SP100: variants seen among roughly 807,000 people sequenced by gnomAD.
SP100 encodes the protein SP100 nuclear body protein.
In SP100, 84 loss-of-function variants were observed where a neutral mutation model predicts 130.0. The observed-to-expected ratio is 0.65, with a 90% CI of 0.54 to 0.77. The LOEUF (loss-of-function observed/expected upper bound fraction) is 0.77, where lower values mean the gene tolerates loss of function less well. Among genes scored for constraint, SP100 ranks in the 30% least tolerant of loss-of-function variants. SP100 has a pLI of 0.00. For synonymous variants in SP100, 331 were observed against 351.7 expected, an observed-to-expected ratio of 0.94 and a Z score of 0.66; for missense variants, 978 against 1,052.2, an observed-to-expected ratio of 0.93 and a Z score of 0.97.
intron 14 of SP100, chr2:230,469,415 A>G (rs1298708932): frequency 2.0e-6 from 1 of 495,276 alleles, no homozygotes; most frequent in Non-Finnish European, 4.0e-6. Flanking sequence ...TGTTGCTTCC[A>G]TGGTTCCCTT....
At chr2:230,510,016 A>G (rs1690457493) in intron 23 of SP100, 1 of 152,644 alleles carries the variant, frequency 6.6e-6, no homozygotes, top group Non-Finnish European at 1.5e-5. Flanking sequence ...TGAATAACTC[A>G]TGGGATGGAG....
chr2:230,467,286 G>T lies in SP100; in HGVS notation c.1291+71G>T, dbSNP rs528375711. 1.3e-5 allele frequency: 14 copies of T among 1,087,852 alleles called. No individual in the cohort carries two copies. In the African/African-American group the frequency reaches 2.2e-4, roughly 17 times the overall value. The allele number at this position is 1,087,852 out of a possible 1,614,324, so 67.4% of individuals were successfully genotyped here. A position where few individuals can be genotyped will look rare whatever the true frequency, so the allele number is the denominator to read the frequency against. On this transcript the variant is annotated intron_variant, in intron 13 of 28. Transcript: ENST00000340126. The stretch of plus-strand genomic sequence containing the variant: ...TCTTCCCTGATGCACTGTGCTCTGA[G>T]CACACACAACAGCTATCCAGGAGCC...
intron 2 of SP100, among the ~76,000 whole-genome samples, chr2:230,426,757 T>C (rs2062945089): frequency 6.6e-6 from 1 of 152,226 alleles, no homozygotes; most frequent in Non-Finnish European, 1.5e-5. Flanking sequence ...ATATGTTTGT[T>C]AGGTCTATTT....
intron 1 of SP100, 26 bp downstream of exon 1, chr2:230,416,354 A>T: frequency 6.2e-7 from 1 of 1,605,604 alleles, no homozygotes; most frequent in Non-Finnish European, 8.5e-7. Context: ...CCTTCCTTTA[A>T]CCTTTATCTC....
chr2:230,471,385 G>A (rs1315900043), intron 15 of SP100, among the ~76,000 whole-genome samples: 1 of 152,138 alleles, frequency 6.6e-6, no homozygotes, highest in East Asian at 1.9e-4. Flanking sequence ...ACCACATTGA[G>A]ACAGGTTCCC....
Position 230,461,420 on chromosome 2 carries a change from G to T in SP100, c.973+6G>T. The T allele has an allele frequency of 1.2e-6, 2 of 1,613,970 alleles. No homozygotes were observed. Among genetic ancestry groups the T allele is most frequent in the Middle Eastern group, 3.3e-4 (2 of 6,058 alleles). On this transcript the variant is annotated splice_donor_region_variant and intron_variant, in intron 9 of 28. Transcript: ENST00000340126. ...CCAGGCATCTGACATAATAGGTAAG[G>T]CTGACTGGGAGAGTTTGTAACTGTG...
intron 24 of SP100, among the ~76,000 whole-genome samples, chr2:230,531,906 T>C (rs1473718967): frequency 1.3e-5 from 2 of 152,118 alleles, no homozygotes; most frequent in African/African-American, 4.8e-5. Context: ...TGGAGGTTGG[T>C]TTCCTATTTA....
At chr2:230,471,244 A>C (rs2065249585) in intron 15 of SP100, among the ~76,000 whole-genome samples, 1 of 152,222 alleles carries the variant, frequency 6.6e-6, no homozygotes, top group African/African-American at 2.4e-5. Flanking sequence ...GCAGCAGGGC[A>C]ATGGGCAGAA....
At chr2:230,467,069 T>A in intron 12 of SP100, 51 bp from the exon 13 acceptor site, 1 of 1,219,498 alleles carries the variant, frequency 8.2e-7, no homozygotes, top group Non-Finnish European at 1.2e-6. Context: ...TCTGACTTGG[T>A]TCCCTTATCA....
intron 24 of SP100, among the ~76,000 whole-genome samples, chr2:230,525,692 C>G (rs1691388741): frequency 6.6e-6 from 1 of 152,178 alleles, no homozygotes; most frequent in South Asian, 2.1e-4. Context: ...ATACTCCTGA[C>G]CAAACACTGA....
intron 24 of SP100, among the ~76,000 whole-genome samples, chr2:230,518,947 G>A (rs1477697101): frequency 6.6e-6 from 1 of 152,200 alleles, no homozygotes; most frequent in Non-Finnish European, 1.5e-5. Context: ...AAGTCAGTCT[G>A]TTACTACAGA....
intron 17 of SP100, 33 bp from the exon 18 acceptor site, chr2:230,494,383 T>C: frequency 6.9e-7 from 1 of 1,457,592 alleles, no homozygotes; most frequent in Non-Finnish European, 9.6e-7. Flanking sequence ...TTTATAGTTC[T>C]AAAGGATTAT....
intron 22 of SP100, chr2:230,506,685 C>G (rs1021086718): frequency 5.1e-6 from 2 of 395,270 alleles, no homozygotes; most frequent in African/African-American, 2.0e-5. Context: ...AAATTGTGGC[C>G]TTGACTCTGC....
intron 9 of SP100, 108 bp downstream of exon 9, chr2:230,461,522 G>T: frequency 9.1e-7 from 1 of 1,104,154 alleles, no homozygotes; most frequent in Non-Finnish European, 1.3e-6. Flanking sequence ...CTGGGATGGA[G>T]GCAGGAAGGG....
intron 15 of SP100, among the ~76,000 whole-genome samples, chr2:230,471,478 A>G (rs2065261064): frequency 6.6e-6 from 1 of 152,210 alleles, no homozygotes; most frequent in South Asian, 2.1e-4. Context: ...TCCAATGAAT[A>G]CACAAAGAGA....
chr2:230,540,099 T>C (rs1692109669), intron 25 of SP100, among the ~76,000 whole-genome samples: 1 of 152,162 alleles, frequency 6.6e-6, no homozygotes, highest in African/African-American at 2.4e-5. Flanking sequence ...AGTTGGCCAA[T>C]CTGCAGAGGC....
intron 8 of SP100, among the ~76,000 whole-genome samples, chr2:230,455,417 A>G (rs2064225830): frequency 6.6e-6 from 1 of 152,166 alleles, no homozygotes; most frequent in African/African-American, 2.4e-5. Flanking sequence ...ACTGTATCTC[A>G]TCTGACGTAA....
Position 230,461,352 on chromosome 2 carries a change from A to G in SP100, c.911A>G (p.Asn304Ser). The part of the protein sequence containing the change: ...VDIKKEKPFS[N>S]SKVECQAQAR... Reference sequence around the variant, plus strand: ...ATAAAAAAGGAAAAGCCATTTTCTAATTCAAAAGTTGAGTGCCAAGCCCAA... The same window carrying G: ...ATAAAAAAGGAAAAGCCATTTTCTAGTTCAAAAGTTGAGTGCCAAGCCCAA... Residue 304 changes from asparagine to serine, a missense_variant, in exon 9 of 29, where the codon AAT becomes AGT. Asn to Ser is a conservative substitution (Grantham distance 46, BLOSUM62 1). Coordinates refer to ENST00000340126, the MANE Select transcript of SP100 (RefSeq NM_001080391.2). 1 of 1,614,196 alleles carries G rather than the reference A, an allele frequency of 6.2e-7. No individual in the cohort carries two copies. The highest frequency in any genetic ancestry group is 1.7e-5 in the Admixed American group (1 of 60,022).
chr2:230,532,462 G>T lies in SP100; in HGVS notation c.2095-6805G>T, dbSNP rs558822576. On this transcript the variant is annotated intron_variant, in intron 24 of 28. Transcript: ENST00000340126. ...TCCTTAAGGAAATTATACTAATTGG[G>T]ATTTCTCTCAAATTACTTTAGTTAT... Among the ~76,000 whole-genome samples, 5 of 151,866 alleles carry T rather than the reference G, an allele frequency of 3.3e-5. No homozygotes were observed. In the East Asian group the frequency reaches 9.7e-4, roughly 29 times the overall value.
Sources: allele counts gnomAD v4.1 joint callset (sites outside exome capture counted in the v4.1 genomes callset), GRCh38; gene constraint gnomAD v4.1.1; transcripts MANE v1.5; gene names NCBI Gene and HGNC (gene_info 2026-07-23, HGNC 2026-07-21).